The following EXD3 variants were observed in gnomAD, a reference collection of about 807,000 sequenced individuals.
EXD3 encodes the protein exonuclease 3'-5' domain containing 3.
EXD3 carries 92 observed loss-of-function variants against 98.0 expected under a neutral mutation model. The observed-to-expected ratio is 0.94, with a 90% CI of 0.79 to 1.12. The LOEUF is 1.12. EXD3 is among the 50% of genes most tolerant of loss of function. The pLI, the probability that EXD3 is intolerant of heterozygous loss-of-function variation, is 0.00. For synonymous variants in EXD3, 569 were observed against 526.0 expected, an observed-to-expected ratio of 1.08 and a Z score of -1.12; for missense variants, 1,222 against 1,191.6, an observed-to-expected ratio of 1.03 and a Z score of -0.38.
At chr9:137,376,426 T>C (rs1351709557) in intron 3 of EXD3, among the ~76,000 whole-genome samples, 3 of 144,910 alleles carry the variant, frequency 2.1e-5, no homozygotes, top group East Asian at 2.1e-4. Context: ...CAGGGCAAGC[T>C]CATCTATCCA....
Position 137,385,981 on chromosome 9 carries a change from T to C in EXD3, c.56-2604A>G, listed in dbSNP as rs754902643. On this transcript the variant is annotated intron_variant, in intron 2 of 21. Transcript: ENST00000340951. This position sits in a 1 kb window ranked among gnomAD's most constrained non-coding sequence, Gnocchi z 4.4. ...GGTTAAAATGGTAAATTTCATGTTA[T>C]GTATATTTCACATATTTTTAAAAGC... is the stretch of plus-strand genomic sequence containing the variant. Among the ~76,000 whole-genome samples the C allele has an allele frequency of 6.6e-6, 1 of 152,146 alleles. No individual in the cohort carries two copies. The highest frequency in any genetic ancestry group is 1.5e-5 in the Non-Finnish European group (1 of 68,036).
rs114533924 is a variant in EXD3, at chr9:137,406,803, T to A, written c.-47-11399A>T. ...CCAGCCCTCCTCTGGGGTGTCTGTGTCCCGACCCCCACCCCAGGCCGCTCC... is the reference window on the plus strand; with the variant it reads ...CCAGCCCTCCTCTGGGGTGTCTGTGACCCGACCCCCACCCCAGGCCGCTCC... On this transcript the variant is annotated intron_variant, in intron 1 of 21. Coordinates refer to ENST00000340951, the MANE Select transcript of EXD3 (RefSeq NM_017820.5). Among the ~76,000 whole-genome samples the A allele has an allele frequency of 2.6e-5, 4 of 152,046 alleles. No homozygotes were observed. In the South Asian group the frequency reaches 8.3e-4, roughly 32 times the overall value.
chr9:137,371,389 G>A lies in EXD3; in HGVS notation c.462+1516C>T, dbSNP rs887142287. On this transcript the variant is annotated intron_variant, in intron 5 of 21. Coordinates refer to ENST00000340951, the MANE Select transcript of EXD3 (RefSeq NM_017820.5). This position sits in a 1 kb window ranked among gnomAD's most constrained non-coding sequence, Gnocchi z 8.0. Reference sequence around the variant, plus strand: ...ACAGCGCCAGGGGTGGGGCCCGCGCGGCCCACACAGGGGACACTCCTGTGA... The same window carrying A: ...ACAGCGCCAGGGGTGGGGCCCGCGCAGCCCACACAGGGGACACTCCTGTGA... Among the ~76,000 whole-genome samples the A allele has an allele frequency of 6.6e-6, 1 of 152,152 alleles. No individual in the cohort carries two copies. Among genetic ancestry groups the A allele is most frequent in the African/African-American group, 2.4e-5 (1 of 41,510 alleles).
At chr9:137,365,762 ACAC>A (rs772251334) in intron 7 of EXD3, 73 of 328,736 alleles carry the variant, frequency 2.2e-4, no homozygotes, top group African/African-American at 1.1e-3. Flanking sequence ...ATGCACACAC[ACAC>A]CACATGCACG....
At chr9:137,409,921 A>G (rs1033584488) in intron 1 of EXD3, among the ~76,000 whole-genome samples, 4 of 152,224 alleles carry the variant, frequency 2.6e-5, no homozygotes, top group African/African-American at 9.6e-5. Flanking sequence ...TCACGCCCGT[A>G]ATCCCAGCAC....
At chr9:137,309,365 T>A (rs1307282699) in intron 20 of EXD3, among the ~76,000 whole-genome samples, 1 of 152,144 alleles carries the variant, frequency 6.6e-6, no homozygotes, top group East Asian at 1.9e-4. Flanking sequence ...GGCCCTGGTG[T>A]CCTGATCTTC....
At chr9:137,340,087 A>C (rs994188014) in intron 17 of EXD3, among the ~76,000 whole-genome samples, 1 of 152,234 alleles carries the variant, frequency 6.6e-6, no homozygotes, top group African/African-American at 2.4e-5. Flanking sequence ...TCAGCAGAAA[A>C]TAAAACCCAC....
rs538364691 is a variant in EXD3, at chr9:137,395,671, G to T, written c.-47-267C>A. Among the ~76,000 whole-genome samples, 2 of 152,292 alleles carry T rather than the reference G, an allele frequency of 1.3e-5. No individual in the cohort carries two copies. Among genetic ancestry groups the T allele is most frequent in the African/African-American group, 2.4e-5 (1 of 41,574 alleles). On this transcript the variant is annotated intron_variant, in intron 1 of 21. Coordinates refer to ENST00000340951, the MANE Select transcript of EXD3 (RefSeq NM_017820.5). This position sits in a 1 kb window ranked among gnomAD's most constrained non-coding sequence, Gnocchi z 6.5. Reference sequence around the variant, plus strand: ...GGCAGGGGGTGGGAGGGGCCCTGGGGGGGGGCACAGTAGACAGACCCTCGC... The same window carrying T: ...GGCAGGGGGTGGGAGGGGCCCTGGGTGGGGGCACAGTAGACAGACCCTCGC...
At chr9:137,412,753 T>G (rs1174735141) in intron 1 of EXD3, among the ~76,000 whole-genome samples, 1 of 152,218 alleles carries the variant, frequency 6.6e-6, no homozygotes, top group Non-Finnish European at 1.5e-5. Flanking sequence ...CAAAGGGAAT[T>G]CCATGTGTTT....
chr9:137,390,405 C>A lies in EXD3; in HGVS notation c.55+4898G>T, dbSNP rs1051150275. 1.6e-3 allele frequency among the ~76,000 whole-genome samples: 234 copies of A among 149,954 alleles called. 2 individuals carry two copies. Among genetic ancestry groups the A allele is most frequent in the African/African-American group, 5.6e-3 (227 of 40,808 alleles). On this transcript the variant is annotated intron_variant, in intron 2 of 21. Coordinates refer to ENST00000340951, the MANE Select transcript of EXD3 (RefSeq NM_017820.5). ...CGAGATTGTGCCACTGCACTCCAGC[C>A]TGGGCGACAGAGCAAGATTCTGTTG...
chr9:137,356,423 A>C, intron 7 of EXD3, 55 bp from the exon 8 acceptor site: 1 of 1,191,210 alleles, frequency 8.4e-7, no homozygotes, highest in Non-Finnish European at 1.2e-6. Context: ...ATACATTTTA[A>C]GATTTTCATT....
chr9:137,326,397 A>G (rs1832406273), intron 17 of EXD3, among the ~76,000 whole-genome samples: 3 of 152,094 alleles, frequency 2.0e-5, no homozygotes, highest in Admixed American at 6.5e-5. Flanking sequence ...ACGGTGCCTT[A>G]CGCCTGTAAT....
chr9:137,331,267 A>G lies in EXD3; in HGVS notation c.1999-7124T>C, dbSNP rs530195917. Among the ~76,000 whole-genome samples, 13 of 152,294 alleles carry G rather than the reference A, an allele frequency of 8.5e-5. No homozygotes were observed. In the East Asian group the frequency reaches 2.5e-3, roughly 29 times the overall value. On this transcript the variant is annotated intron_variant, in intron 17 of 21. Coordinates refer to ENST00000340951, the MANE Select transcript of EXD3 (RefSeq NM_017820.5). ...AAGGAACATACCTCAAAATGATAAT[A>G]GCCATATATGACAAACCCGCAGCCA...
intron 1 of EXD3, among the ~76,000 whole-genome samples, chr9:137,420,813 G>A (rs1428768523): frequency 6.7e-6 from 1 of 148,250 alleles, no homozygotes. Context: ...CCTAGACATG[G>A]GAAGTGTTTG....
intron 8 of EXD3, 62 bp from the exon 9 acceptor site, chr9:137,354,835 G>C: frequency 6.6e-7 from 1 of 1,523,134 alleles, no homozygotes; most frequent in Non-Finnish European, 8.9e-7. Context: ...GCCTCCTTCT[G>C]GGGCGGGCTG....
intron 7 of EXD3, 145 bp downstream of exon 7, chr9:137,366,348 C>T (rs1357078702): frequency 1.1e-5 from 13 of 1,172,504 alleles, no homozygotes; most frequent in East Asian, 2.6e-5. Context: ...GCTCCAGCTG[C>T]AGTCACATGG....
intron 1 of EXD3, among the ~76,000 whole-genome samples, chr9:137,398,634 A>T (rs112190179): frequency 2.9e-4 from 41 of 139,840 alleles, no homozygotes; most frequent in African/African-American, 8.4e-4. Context: ...CAAGACACAC[A>T]GGCACCCGCG....
chr9:137,342,593 C>T (rs1057031485), intron 17 of EXD3, among the ~76,000 whole-genome samples: 1 of 152,138 alleles, frequency 6.6e-6, no homozygotes, highest in African/African-American at 2.4e-5. Flanking sequence ...AATTCCAGAG[C>T]CCTAGGAGGA....
chr9:137,359,264 C>T lies in EXD3; in HGVS notation c.657-2896G>A, dbSNP rs538351410. Among the ~76,000 whole-genome samples, 13 of 84,096 alleles carry T rather than the reference C, an allele frequency of 1.5e-4. 4 individuals carry two copies. Among genetic ancestry groups the T allele is most frequent in the Admixed American group, 1.1e-3 (8 of 7,084 alleles). The allele number at this position is 84,096 out of a possible 152,430, so 55.2% of individuals were successfully genotyped here. On this transcript the variant is annotated intron_variant, in intron 7 of 21. Transcript: ENST00000340951. ...GATTACAGGCGTGAGCCACCGTGCCCGGCCAAGGCCTACTTTTTAAGATAA... is the reference window on the plus strand; with the variant it reads ...GATTACAGGCGTGAGCCACCGTGCCTGGCCAAGGCCTACTTTTTAAGATAA...
Sources: allele counts gnomAD v4.1 joint callset (sites outside exome capture counted in the v4.1 genomes callset), GRCh38; gene constraint gnomAD v4.1.1; non-coding constraint Gnocchi (gnomAD v3.1); transcripts MANE v1.5; gene names NCBI Gene and HGNC (gene_info 2026-07-23, HGNC 2026-07-21).